DHRS7B: variants seen among roughly 807,000 people sequenced by gnomAD.
The protein encoded by DHRS7B is dehydrogenase/reductase 7B.
DHRS7B carries 24 observed loss-of-function variants against 26.4 expected under a neutral mutation model. The ratio of observed to expected loss-of-function variants is 0.91; its 90% CI spans 0.66 to 1.28. The LOEUF is 1.28. DHRS7B is among the 50% of genes most tolerant of loss of function. The pLI, the probability that DHRS7B is intolerant of heterozygous loss-of-function variation, is 0.00. For missense variants in DHRS7B, 368 were observed against 419.4 expected, an observed-to-expected ratio of 0.88 and a Z score of 1.07; for synonymous variants, 142 against 166.4, an observed-to-expected ratio of 0.85 and a Z score of 1.13.
chr17:21,175,746 T>C (rs1318092296), intron 2 of DHRS7B, among the ~76,000 whole-genome samples: 2 of 152,006 alleles, frequency 1.3e-5, no homozygotes, highest in African/African-American at 2.4e-5. Flanking sequence ...TAGAGCAGCC[T>C]GGGCAACATG....
At chr17:21,181,919 T>C (rs1405236634) in intron 3 of DHRS7B, among the ~76,000 whole-genome samples, 4 of 152,336 alleles carry the variant, frequency 2.6e-5, no homozygotes, top group Middle Eastern at 3.4e-3. Flanking sequence ...CCTTTCCAAA[T>C]TGGGTCACTT....
At chr17:21,150,422 G>A (rs910741083) in intron 1 of DHRS7B, among the ~76,000 whole-genome samples, 2 of 152,134 alleles carry the variant, frequency 1.3e-5, no homozygotes, top group Non-Finnish European at 2.9e-5. Context: ...TTTGAGACCA[G>A]CCTGGCCAAC....
At chr17:21,181,706 G>A (rs940061785) in intron 3 of DHRS7B, among the ~76,000 whole-genome samples, 1 of 152,126 alleles carries the variant, frequency 6.6e-6, no homozygotes, top group African/African-American at 2.4e-5. Flanking sequence ...TTTTTTAACT[G>A]CTACTGTAAA....
chr17:21,156,736 A>G (rs1249246016), intron 1 of DHRS7B, among the ~76,000 whole-genome samples: 1 of 151,808 alleles, frequency 6.6e-6, no homozygotes, highest in East Asian at 1.9e-4. Flanking sequence ...AACATGGTGA[A>G]ACCCTGTCTC....
At chr17:21,133,990 G>A (rs183323650) in intron 1 of DHRS7B, among the ~76,000 whole-genome samples, 313 of 151,914 alleles carry the variant, frequency 2.1e-3, no homozygotes, top group African/African-American at 7.2e-3. Context: ...AGAAAGCACA[G>A]CTTAGTTTTC....
At chr17:21,130,562 A>G (rs889871380) in intron 1 of DHRS7B, among the ~76,000 whole-genome samples, 1 of 152,318 alleles carries the variant, frequency 6.6e-6, no homozygotes. Flanking sequence ...TTGCATACAT[A>G]TCAAAGGGAC....
At chr17:21,162,553 CA>C (rs965228404) in intron 1 of DHRS7B, among the ~76,000 whole-genome samples, 1 of 152,154 alleles carries the variant, frequency 6.6e-6, no homozygotes, top group Non-Finnish European at 1.5e-5. Context: ...GCCAGACCCT[CA>C]GAGAACTGCT....
At chr17:21,173,816 A>G (rs891510128) in intron 2 of DHRS7B, among the ~76,000 whole-genome samples, 3 of 152,176 alleles carry the variant, frequency 2.0e-5, no homozygotes, top group Non-Finnish European at 4.4e-5. Flanking sequence ...AAAGAGAAGC[A>G]TTTTGTGAAA....
chr17:21,171,676 G>A, intron 1 of DHRS7B: 1 of 409,468 alleles, frequency 2.4e-6, no homozygotes, highest in South Asian at 2.4e-5. Flanking sequence ...GGCCAACACA[G>A]GTTTCCGAAG....
At chr17:21,176,642 A>G (rs998084720) in intron 2 of DHRS7B, among the ~76,000 whole-genome samples, 3 of 151,902 alleles carry the variant, frequency 2.0e-5, no homozygotes, top group Non-Finnish European at 4.4e-5. Flanking sequence ...AAAAATGACA[A>G]TTGACACCGC....
rs1973292305 is a variant in DHRS7B at position 21,134,044 on chromosome 17, A to G, written c.20+7053A>G. 1.3e-5 allele frequency among the ~76,000 whole-genome samples: 2 copies of G among 152,250 alleles called. 1 individual carries two copies. Among genetic ancestry groups the G allele is most frequent in the South Asian group, 4.1e-4 (2 of 4,832 alleles). ...AAAATGGAAAAAAAAAAGGAAAAAA[A>G]CTGAAAACATTATTTTGAAGACTTA... On this transcript the variant is annotated intron_variant, in intron 1 of 6. Coordinates refer to ENST00000395511, the MANE Select transcript of DHRS7B (RefSeq NM_015510.5).
chr17:21,144,417 G>A (rs1021163537), intron 1 of DHRS7B, among the ~76,000 whole-genome samples: 3 of 152,232 alleles, frequency 2.0e-5, no homozygotes, highest in Admixed American at 1.3e-4. Context: ...AAACTAACAA[G>A]CATTTCATTT....
intron 1 of DHRS7B, chr17:21,127,327 T>G (rs1973122275): frequency 3.1e-6 from 1 of 320,214 alleles, no homozygotes; most frequent in Non-Finnish European, 5.7e-6. Context: ...TCAACCTGTT[T>G]ATTCCCACAT....
In DHRS7B at chr17:21,188,845, G is replaced by C. The variant is rs892910928; in HGVS notation, c.754G>C (p.Asp252His). 2.5e-6 allele frequency: 4 copies of C among 1,614,088 alleles called. No individual in the cohort carries two copies. The African/African-American group carries it at 5.3e-5, about 22-fold the overall frequency. ...CCTCTCTGTAAATGCCATCACCGCG[G>C]ATGGATCTAGGTATGGAGGTGAGGC... ...TNLSVNAITA[D>H]GSRYGVMDTT... is the part of the protein sequence containing the mutation. Residue 252 changes from aspartate to histidine, a missense_variant, in exon 6 of 7, where the codon GAT (aspartate) becomes CAT (histidine). Asp to His is a moderately conservative substitution (Grantham distance 81, BLOSUM62 -1). Coordinates refer to ENST00000395511, the MANE Select transcript of DHRS7B (RefSeq NM_015510.5).
At chr17:21,161,868 C>A (rs1304278169) in intron 1 of DHRS7B, among the ~76,000 whole-genome samples, 1 of 152,010 alleles carries the variant, frequency 6.6e-6, no homozygotes, top group African/African-American at 2.4e-5. Context: ...TCAGTTCTTC[C>A]CACATGTGCC....
intron 1 of DHRS7B, among the ~76,000 whole-genome samples, chr17:21,142,955 G>A (rs371943927): frequency 6.6e-5 from 10 of 152,282 alleles, no homozygotes; most frequent in East Asian, 1.9e-4. Context: ...TTGAGGTGGC[G>A]TCTTGCTATG....
chr17:21,150,107 A>T (rs1422479172), intron 1 of DHRS7B, among the ~76,000 whole-genome samples: 6 of 44,056 alleles, frequency 1.4e-4, no homozygotes, highest in Non-Finnish European at 2.8e-4. Context: ...TCTCTATTTA[A>T]AAAAAAAAAA....
chr17:21,139,340 C>A (rs1417328377), intron 1 of DHRS7B, among the ~76,000 whole-genome samples: 1 of 152,118 alleles, frequency 6.6e-6, no homozygotes, highest in African/African-American at 2.4e-5. Flanking sequence ...AACCCCCGTG[C>A]CATATTTTGA....
chr17:21,134,567 C>T (rs575582141), intron 1 of DHRS7B, among the ~76,000 whole-genome samples: 4 of 152,266 alleles, frequency 2.6e-5, no homozygotes, highest in South Asian at 2.1e-4. Flanking sequence ...CTATATGTCA[C>T]GTTTGATTCC....
Sources: allele counts gnomAD v4.1 joint callset (sites outside exome capture counted in the v4.1 genomes callset), GRCh38; gene constraint gnomAD v4.1.1; transcripts MANE v1.5; gene names NCBI Gene and HGNC (gene_info 2026-07-23, HGNC 2026-07-21).